Variants in DPP10 observed in about 807,000 individuals in gnomAD.
DPP10 encodes inactive dipeptidyl peptidase 10.
Under a neutral mutation model 120.9 loss-of-function variants are expected in DPP10, and 33 were observed. That is an observed-to-expected ratio of 0.27 (90% CI 0.21 to 0.37). DPP10 has a LOEUF of 0.37. DPP10 is among the 10% of genes least tolerant of loss of function. The pLI is 1.00. For synonymous variants in DPP10, 337 were observed against 326.1 expected (o/e 1.03, Z -0.36); for missense variants, 816 against 942.8 (o/e 0.87, Z 1.76).
rs372581910 is a variant in DPP10 at position 115,681,931 on chromosome 2, G to C, written c.442-7756G>C. Among the ~76,000 whole-genome samples the C allele has an allele frequency of 3.0e-3, 455 of 151,786 alleles. 4 individuals are homozygous for C. The highest frequency in any genetic ancestry group is 0.011 in the African/African-American group (443 of 41,470). ...ACAACCTTTTCTCCAAAGCTGCTTG[G>C]AAATGAAATGACCACTTTTCGAAGT... is the stretch of plus-strand genomic sequence containing the variant. On this transcript the variant is annotated intron_variant, in intron 5 of 25. Coordinates refer to ENST00000410059, the MANE Select transcript of DPP10 (RefSeq NM_020868.6).
chr2:115,413,460 A>G (rs1261462821), intron 3 of DPP10, among the ~76,000 whole-genome samples: 4 of 152,178 alleles, frequency 2.6e-5, no homozygotes. Flanking sequence ...GTTATCTTCA[A>G]GTAGTGAGGT....
chr2:115,359,728 CTT>C (rs1201247626), intron 3 of DPP10, among the ~76,000 whole-genome samples: 1 of 152,036 alleles, frequency 6.6e-6, no homozygotes, highest in Non-Finnish European at 1.5e-5. Context: ...TGCTTACTCT[CTT>C]TCTCTCACAG....
chr2:115,653,345 GAAGA>G (rs1174113016), intron 5 of DPP10, among the ~76,000 whole-genome samples: 1 of 151,884 alleles, frequency 6.6e-6, no homozygotes, highest in Non-Finnish European at 1.5e-5. Context: ...TGACTGCACA[GAAGA>G]AATATCTAAC....
At chr2:114,790,477 C>T (rs751988104) in intron 1 of DPP10, among the ~76,000 whole-genome samples, 12 of 152,134 alleles carry the variant, frequency 7.9e-5, no homozygotes, top group East Asian at 1.9e-4. Context: ...TCTTTTCATG[C>T]GCGTCCGTGT....
chr2:115,629,088 A>T (rs1430894278), intron 5 of DPP10, among the ~76,000 whole-genome samples: 2 of 152,166 alleles, frequency 1.3e-5, no homozygotes, highest in African/African-American at 2.4e-5. Flanking sequence ...TACTTGCGAT[A>T]GTTTGCTGAG....
chr2:115,733,371 T>C (rs1245236280), intron 8 of DPP10, among the ~76,000 whole-genome samples: 1 of 152,164 alleles, frequency 6.6e-6, no homozygotes, highest in Non-Finnish European at 1.5e-5. Flanking sequence ...AAGGCAGGGT[T>C]ATCAGTAGTG....
chr2:115,380,075 G>A (rs1164666490), intron 3 of DPP10, among the ~76,000 whole-genome samples: 1 of 152,100 alleles, frequency 6.6e-6, no homozygotes. Context: ...GGTCCACTTG[G>A]TGCAGAGTTG....
chr2:115,751,323 C>T (rs113581540), intron 10 of DPP10, among the ~76,000 whole-genome samples: 2,197 of 152,192 alleles, frequency 0.014, 71 homozygotes, highest in African/African-American at 0.051. Context: ...TCGGCTTAAA[C>T]GAAACACAGT....
At chr2:114,772,073 A>G (rs1195694849) in intron 1 of DPP10, among the ~76,000 whole-genome samples, 1 of 151,910 alleles carries the variant, frequency 6.6e-6, no homozygotes, top group Non-Finnish European at 1.5e-5. Flanking sequence ...AGTCTTTGCT[A>G]AAAGAGCTGA....
intron 4 of DPP10, among the ~76,000 whole-genome samples, chr2:115,499,905 A>G (rs973768035): frequency 6.6e-6 from 1 of 152,040 alleles, no homozygotes; most frequent in Non-Finnish European, 1.5e-5. Flanking sequence ...ACAAATACCA[A>G]GGTTAAAAAC....
chr2:114,472,959 C>A (rs1395854010), intron 1 of DPP10, among the ~76,000 whole-genome samples: 5 of 152,180 alleles, frequency 3.3e-5, no homozygotes, highest in Non-Finnish European at 7.3e-5. Context: ...ATATGTGATT[C>A]CAACTTAGAG....
intron 2 of DPP10, among the ~76,000 whole-genome samples, chr2:115,343,093 T>C (rs2063530190): frequency 6.6e-6 from 1 of 152,238 alleles, no homozygotes; most frequent in African/African-American, 2.4e-5. Context: ...AATATTCCTG[T>C]CTTTAGCCTC....
chr2:115,431,799 G>A (rs998017215), intron 3 of DPP10, among the ~76,000 whole-genome samples: 14 of 151,750 alleles, frequency 9.2e-5, no homozygotes, highest in African/African-American at 3.1e-4. Context: ...TTGTAGATCT[G>A]AATTTAAAAG....
intron 1 of DPP10, among the ~76,000 whole-genome samples, chr2:115,051,596 C>T (rs1054479105): frequency 7.9e-5 from 12 of 152,072 alleles, no homozygotes; most frequent in African/African-American, 2.9e-4. Flanking sequence ...ATTATAAATG[C>T]ATTTATTGTT....
chr2:115,687,943 C>A (rs1164618319), intron 5 of DPP10, among the ~76,000 whole-genome samples: 1 of 151,974 alleles, frequency 6.6e-6, no homozygotes. Context: ...TCTTTCCCCC[C>A]ACGATATCAT....
At chr2:114,571,282 G>A (rs1194307438) in intron 1 of DPP10, among the ~76,000 whole-genome samples, 1 of 151,980 alleles carries the variant, frequency 6.6e-6, no homozygotes, top group Non-Finnish European at 1.5e-5. Flanking sequence ...GTGAGATCTG[G>A]CTGTTTAAAA....
intron 7 of DPP10, among the ~76,000 whole-genome samples, chr2:115,723,632 T>TG (rs1422564201): frequency 1.3e-5 from 2 of 151,300 alleles, no homozygotes; most frequent in African/African-American, 4.8e-5. Context: ...GTTTTTTTTT[T>TG]TTTTTACACG....
chr2:114,829,624 G>A (rs755844462), intron 1 of DPP10, among the ~76,000 whole-genome samples: 11 of 150,796 alleles, frequency 7.3e-5, no homozygotes, highest in Non-Finnish European at 1.3e-4. Flanking sequence ...TGGTCCTCCC[G>A]TCTCAGCCTC....
intron 5 of DPP10, among the ~76,000 whole-genome samples, chr2:115,607,207 A>G (rs938470152): frequency 2.0e-5 from 3 of 152,240 alleles, no homozygotes; most frequent in Non-Finnish European, 4.4e-5. Context: ...AGGTGTGCTT[A>G]TCATTTTTGG....
Sources: gnomAD v4.1 joint callset for allele counts (sites outside exome capture counted in the v4.1 genomes callset) on GRCh38, gnomAD v4.1.1 for gene constraint, MANE v1.5 for transcripts, NCBI Gene and HGNC (gene_info 2026-07-23, HGNC 2026-07-21) for gene names.